The following CDK12 variants were observed in gnomAD, a reference collection of about 807,000 sequenced individuals.
CDK12 encodes cyclin-dependent kinase 12.
A neutral mutation model predicts 133.8 loss-of-function variants in CDK12; 17 were observed. The observed-to-expected ratio is 0.13, with a 90% CI of 0.09 to 0.19. CDK12 has a LOEUF of 0.19. CDK12 is among the 10% of genes least tolerant of loss of function. CDK12 has a pLI of 1.00. For synonymous variants in CDK12, 694 were observed against 683.6 expected, an observed-to-expected ratio of 1.02 and a Z score of -0.24; for missense variants, 1,508 against 1,818.7, an observed-to-expected ratio of 0.83 and a Z score of 3.11.
At chr17:39,478,650 G>A (rs1374817864) in intron 2 of CDK12, among the ~76,000 whole-genome samples, 3 of 152,144 alleles carry the variant, frequency 2.0e-5, no homozygotes, top group Non-Finnish European at 4.4e-5. Flanking sequence ...AGGCTACATA[G>A]CCAGACCCTG....
intron 1 of CDK12, among the ~76,000 whole-genome samples, chr17:39,469,782 C>T (rs1353409690): frequency 1.3e-5 from 2 of 151,734 alleles, no homozygotes; most frequent in African/African-American, 2.4e-5. Context: ...GGATTACAGG[C>T]GCCCACCACA....
intron 3 of CDK12, among the ~76,000 whole-genome samples, chr17:39,562,897 CTTTTCT>C (rs2056428787): frequency 1.1e-5 from 1 of 93,682 alleles, no homozygotes; most frequent in Non-Finnish European, 2.3e-5. Flanking sequence ...TTTTCTTTTT[CTTTTCT>C]TTTTTTTTTT....
At chr17:39,470,096 T>C (rs577318303) in intron 1 of CDK12, among the ~76,000 whole-genome samples, 1 of 152,184 alleles carries the variant, frequency 6.6e-6, no homozygotes, top group Non-Finnish European at 1.5e-5. Context: ...TATTGTTATA[T>C]GATTCAGATA....
In CDK12 at chr17:39,495,110, G is replaced by A. The variant is rs192443063; in HGVS notation, c.2419+416G>A. On this transcript the variant is annotated intron_variant, in intron 5 of 13. Transcript: ENST00000447079. ...TATCTATTTATTTTGAGACAGTCTC[G>A]CACTGTCGCCCAGGCTGGATTGCAG... 6.0e-3 allele frequency among the ~76,000 whole-genome samples: 912 copies of A among 151,896 alleles called. 4 individuals are homozygous for A. The highest frequency in any genetic ancestry group is 9.8e-3 in the Non-Finnish European group (666 of 67,984).
Position 39,532,752 on chromosome 17 carries a change from C to G in CDK12, c.*1436C>G, listed in dbSNP as rs968511862. The G allele has an allele frequency of 4.3e-6, 1 of 232,734 alleles. No individual in the cohort carries two copies. Among genetic ancestry groups the G allele is most frequent in the Non-Finnish European group, 8.5e-6 (1 of 117,776 alleles). 14.4% of individuals were successfully genotyped at this position (232,734 alleles called of 1,614,324 possible). A position where few individuals can be genotyped will look rare whatever the true frequency, so the allele number is the denominator to read the frequency against. On this transcript the variant is annotated 3_prime_UTR_variant, in exon 14 of 14. Transcript: ENST00000447079. ...AAAGGGGTTAAATTGTGCTTCCAGG[C>G]AAGAACTTTGCCTTATCATAAACAG...
chr17:39,531,242 G>A lies in CDK12; in HGVS notation c.4399G>A (p.Ala1467Thr), dbSNP rs780514441. The change falls in exon 14 of 14, where the codon GCT becomes ACT. Residue 1467 changes from alanine (A) to threonine (T), a missense_variant. Transcript: ENST00000447079. ...LHWGGPTQSS[A>T]YGKLYRGPTR... ...CTGGGGGGGCCCAACTCAGTCTTCT[G>A]CTTATGGAAAACTCTATCGGGGGCC... The A allele has an allele frequency of 4.6e-6, 7 of 1,514,002 alleles. No individual in the cohort carries two copies. Among genetic ancestry groups the A allele is most frequent in the Admixed American group, 2.3e-5 (1 of 43,038 alleles). 93.8% of individuals were successfully genotyped at this position (1,514,002 alleles called of 1,614,324 possible).
intron 1 of CDK12, among the ~76,000 whole-genome samples, chr17:39,466,558 G>T (rs2049322964): frequency 7.5e-6 from 1 of 133,052 alleles, no homozygotes; most frequent in Non-Finnish European, 1.6e-5. Flanking sequence ...AGGTTGAGGT[G>T]AGCCGCGATT....
chr17:39,548,982 C>G (rs1212052012), upstream of CDK12: 2 of 152,308 alleles, frequency 1.3e-5, no homozygotes, highest in African/African-American at 2.4e-5. Context: ...GCGCTCCCCC[C>G]AGCACCCCGA....
Position 39,524,730 on chromosome 17 carries a change from G to C in CDK12, c.3152G>C (p.Arg1051Pro). The C allele has an allele frequency of 6.2e-7, 1 of 1,614,158 alleles. No homozygotes were observed. Among genetic ancestry groups the C allele is most frequent in the Non-Finnish European group, 8.5e-7 (1 of 1,180,040 alleles). ...TGGAGTAAGAAACGGCGACGTCAGC[G>C]ACAAAGTGGTGTTGTAGTCGAAGAG... ...ELWSKKRRRQ[R>P]QSGVVVEEPP... is the part of the protein sequence containing the mutation. The change falls in exon 12 of 14, where the codon CGA becomes CCA. Residue 1051 changes from arginine to proline, a missense_variant. Arg to Pro is a moderately radical substitution (Grantham distance 103, BLOSUM62 -2). Transcript: ENST00000447079.
chr17:39,465,634 G>A (rs2049253686), intron 1 of CDK12, among the ~76,000 whole-genome samples: 1 of 151,726 alleles, frequency 6.6e-6, no homozygotes, highest in African/African-American at 2.4e-5. Context: ...AATTACAAGC[G>A]CCCACCATCA....
chr17:39,518,064 G>GC (rs1486824925), intron 10 of CDK12, among the ~76,000 whole-genome samples: 1 of 149,830 alleles, frequency 6.7e-6, no homozygotes, highest in African/African-American at 2.5e-5. Context: ...TGCAACCTCT[G>GC]CCCCCCAAGT....
At chr17:39,479,308 G>GGA (rs2050454540) in intron 2 of CDK12, among the ~76,000 whole-genome samples, 8 of 100,448 alleles carry the variant, frequency 8.0e-5, no homozygotes, top group Non-Finnish European at 1.3e-4. Flanking sequence ...GACTCCGTCT[G>GGA]AAAAAAAAAA....
Position 39,530,967 on chromosome 17 carries a change from C to T in CDK12, c.4124C>T (p.Thr1375Ile). ...SLVQTLVKNR[T>I]FSGSLSHLGE... Reference sequence around the variant, plus strand: ...GTCCAGACCCTGGTGAAGAACAGGACCTTCTCAGGCTCTCTGAGCCACCTT... The same window carrying T: ...GTCCAGACCCTGGTGAAGAACAGGATCTTCTCAGGCTCTCTGAGCCACCTT... Residue 1375 changes from threonine (T) to isoleucine (I), a missense_variant, in exon 14 of 14, where the codon ACC becomes ATC. Physicochemically the swap from Thr to Ile is moderately conservative, Grantham distance 89 (BLOSUM62 -1). Transcript: ENST00000447079. 6.2e-7 allele frequency: 1 copy of T among 1,614,206 alleles called. No homozygotes were observed. Among genetic ancestry groups the T allele is most frequent in the Non-Finnish European group, 8.5e-7 (1 of 1,180,030 alleles).
chr17:39,461,958 C>T lies in CDK12; in HGVS notation c.-114C>T, dbSNP rs1567666773. 4 of 822,106 alleles carry T rather than the reference C, an allele frequency of 4.9e-6. No individual in the cohort carries two copies. Among genetic ancestry groups the T allele is most frequent in the Non-Finnish European group, 7.7e-6 (4 of 522,702 alleles). The allele number at this position is 822,106 out of a possible 1,614,324, so 50.9% of individuals were successfully genotyped here. On this transcript the variant is annotated 5_prime_UTR_variant, in exon 1 of 14. Coordinates refer to ENST00000447079, the MANE Select transcript of CDK12 (RefSeq NM_016507.4). ...TGGGCTACCGTCCCTGCCCTCCCCA[C>T]CCCCTTCCCGGGGCGCTTTGGTGGG... is the stretch of plus-strand genomic sequence containing the variant.
intron 13 of CDK12, chr17:39,530,041 A>G (rs2054733073): frequency 6.6e-6 from 1 of 152,240 alleles, no homozygotes; most frequent in Non-Finnish European, 1.5e-5. Context: ...AAGCAAGTGT[A>G]TTTTTATACA....
At chr17:39,500,504 A>G (rs2146118380) in intron 5 of CDK12, among the ~76,000 whole-genome samples, 1 of 151,202 alleles carries the variant, frequency 6.6e-6, no homozygotes, top group South Asian at 2.1e-4. Flanking sequence ...GTGGTGGCAC[A>G]TGCCTGTAAT....
intron 3 of CDK12, among the ~76,000 whole-genome samples, chr17:39,562,025 C>T (rs1481034102): frequency 1.3e-5 from 2 of 152,164 alleles, no homozygotes; most frequent in African/African-American, 2.4e-5. Flanking sequence ...CTGCAACCTC[C>T]GCCTCCTGGG....
At chr17:39,539,722 A>C (rs2143688061) in intron 1 of CDK12, among the ~76,000 whole-genome samples, 1 of 152,318 alleles carries the variant, frequency 6.6e-6, no homozygotes, top group Middle Eastern at 3.4e-3. Flanking sequence ...TTGTAATATA[A>C]AACTATTATA....
rs866057996 is a variant in CDK12 at position 39,480,317 on chromosome 17, G to A, written c.1931+8554G>A. Among the ~76,000 whole-genome samples the A allele has an allele frequency of 4.0e-5, 6 of 150,882 alleles. No homozygotes were observed. The South Asian group carries it at 6.3e-4, about 16-fold the overall frequency. The stretch of plus-strand genomic sequence containing the variant: ...CTTACTTTGTCGTCCAGGCTGGAGT[G>A]CAGTGGCGTGATCTTGGCTCACTGT... On this transcript the variant is annotated intron_variant, in intron 2 of 13. Transcript: ENST00000447079.
Sources: allele counts gnomAD v4.1 joint callset (sites outside exome capture counted in the v4.1 genomes callset), GRCh38; gene constraint gnomAD v4.1.1; transcripts MANE v1.5; gene names NCBI Gene and HGNC (gene_info 2026-07-23, HGNC 2026-07-21).